The following ADAMTSL3 variants were observed in gnomAD, a reference collection of about 807,000 sequenced individuals.
ADAMTSL3 encodes ADAMTS-like protein 3.
In ADAMTSL3, 128 loss-of-function variants were observed where a neutral mutation model predicts 201.7. That is an observed-to-expected ratio of 0.63 (90% CI 0.55 to 0.73). The LOEUF (loss-of-function observed/expected upper bound fraction) is 0.73, where lower values mean the gene tolerates loss of function less well. Among genes scored for constraint, ADAMTSL3 ranks in the 30% least tolerant of loss-of-function variants. The pLI, the probability that ADAMTSL3 is intolerant of heterozygous loss-of-function variation, is 0.00. For synonymous variants in ADAMTSL3, 738 were observed against 748.4 expected (o/e 0.99, Z 0.23); for missense variants, 1,990 against 2,119.6 (o/e 0.94, Z 1.20).
chr15:83,980,088 T>A (rs1308120258), intron 20 of ADAMTSL3, among the ~76,000 whole-genome samples: 3 of 151,924 alleles, frequency 2.0e-5, no homozygotes, highest in Non-Finnish European at 4.4e-5. Flanking sequence ...TGAGAGCCAT[T>A]TTTTTTAGAG....
At chr15:83,903,937 A>G (rs1567226072) in intron 15 of ADAMTSL3, among the ~76,000 whole-genome samples, 386 of 28,942 alleles carry the variant, frequency 0.013, 54 homozygotes, top group Middle Eastern at 0.077. Flanking sequence ...AAAAAAAAAA[A>G]AAAAAAAGAA....
At chr15:83,801,765 C>T (rs186061490) in intron 4 of ADAMTSL3, among the ~76,000 whole-genome samples, 1 of 141,654 alleles carries the variant, frequency 7.1e-6, no homozygotes, top group Admixed American at 7.2e-5. Flanking sequence ...GCTCCAGCCT[C>T]AGAATTATAG....
At chr15:83,939,613 T>C (rs1596443702) in intron 17 of ADAMTSL3, among the ~76,000 whole-genome samples, 1 of 152,070 alleles carries the variant, frequency 6.6e-6, no homozygotes, top group South Asian at 2.1e-4. Context: ...TGTTGGTCTT[T>C]TGAAGGACCA....
chr15:83,963,056 C>T (rs962937550), intron 19 of ADAMTSL3, among the ~76,000 whole-genome samples: 1 of 152,202 alleles, frequency 6.6e-6, no homozygotes, highest in Non-Finnish European at 1.5e-5. Flanking sequence ...CCTACACCAC[C>T]AGGGCCCATG....
At chr15:83,989,499 A>C (rs2067546137) in intron 22 of ADAMTSL3, among the ~76,000 whole-genome samples, 1 of 152,262 alleles carries the variant, frequency 6.6e-6, no homozygotes, top group South Asian at 2.1e-4. Context: ...ATCAGTCAAC[A>C]AAAAAGAATA....
chr15:83,860,243 G>A (rs935990168), intron 8 of ADAMTSL3, among the ~76,000 whole-genome samples: 4 of 152,158 alleles, frequency 2.6e-5, no homozygotes, highest in Non-Finnish European at 4.4e-5. Flanking sequence ...GGAGAGTAAA[G>A]TAAGATTTGG....
intron 3 of ADAMTSL3, among the ~76,000 whole-genome samples, chr15:83,772,229 T>C (rs2062996159): frequency 6.6e-6 from 1 of 152,206 alleles, no homozygotes. Context: ...AATTTTTCTT[T>C]GGGGATTTTG....
At chr15:83,700,348 A>G (rs2061754306) in intron 2 of ADAMTSL3, among the ~76,000 whole-genome samples, 2 of 152,218 alleles carry the variant, frequency 1.3e-5, no homozygotes, top group Admixed American at 6.5e-5. Context: ...TTTGTGTGCC[A>G]GGAATAGTCA....
At chr15:83,945,810 G>T (rs561231178) in intron 19 of ADAMTSL3, 1 of 152,306 alleles carries the variant, frequency 6.6e-6, no homozygotes, top group South Asian at 2.1e-4. Context: ...GTCCCACCCA[G>T]ACCTAAGGAA....
chr15:84,021,536 A>T lies in ADAMTSL3; in HGVS notation c.4400A>T (p.His1467Leu). Residue 1467 changes from histidine to leucine, a missense_variant, in exon 26 of 30, where the codon CAC becomes CTC. Physicochemically the swap from His to Leu is moderately conservative, Grantham distance 99. Transcript: ENST00000286744. ...GQEVSEALCD[H>L]LQKPLAGFEP... ...GAAGTGAGTGAGGCCCTGTGTGATC[A>T]CCTCCAGAAGCCACTGGCTGGGTTT... The T allele has an allele frequency of 6.2e-7, 1 of 1,613,880 alleles. No individual in the cohort carries two copies. The highest frequency in any genetic ancestry group is 8.5e-7 in the Non-Finnish European group (1 of 1,179,964).
chr15:83,774,155 T>C (rs1262456883), intron 4 of ADAMTSL3, among the ~76,000 whole-genome samples: 3 of 152,244 alleles, frequency 2.0e-5, no homozygotes, highest in Non-Finnish European at 4.4e-5. Context: ...TTATCATTGT[T>C]TTTGAGACAC....
intron 19 of ADAMTSL3, among the ~76,000 whole-genome samples, chr15:83,958,680 G>A (rs760853775): frequency 5.3e-5 from 8 of 152,066 alleles, no homozygotes; most frequent in Non-Finnish European, 7.4e-5. Context: ...CCTTTAAACA[G>A]ATGAAAATAT....
At chr15:83,949,210 G>T (rs567917563) in intron 19 of ADAMTSL3, among the ~76,000 whole-genome samples, 24 of 151,938 alleles carry the variant, frequency 1.6e-4, no homozygotes, top group Non-Finnish European at 3.5e-4. Context: ...ATCTCCATGA[G>T]TTCAATTATT....
intron 3 of ADAMTSL3, among the ~76,000 whole-genome samples, chr15:83,737,835 A>G (rs2554385): frequency 0.84 from 127,662 of 152,114 alleles, 54,097 homozygotes; most frequent in East Asian, 0.96. Flanking sequence ...AAACACTCAT[A>G]TTACAAAAAG....
intron 7 of ADAMTSL3, among the ~76,000 whole-genome samples, chr15:83,858,399 G>A (rs373003356): frequency 7.2e-5 from 11 of 152,160 alleles, no homozygotes; most frequent in African/African-American, 2.7e-4. Context: ...TTGAGATAGA[G>A]TCTTACTCTG....
intron 3 of ADAMTSL3, among the ~76,000 whole-genome samples, chr15:83,739,408 AT>A (rs2062419357): frequency 6.7e-6 from 1 of 150,134 alleles, no homozygotes. Context: ...ACCTGATGTC[AT>A]GTGAACGGTC....
At chr15:83,931,176 G>A (rs915578851) in intron 17 of ADAMTSL3, among the ~76,000 whole-genome samples, 1 of 152,216 alleles carries the variant, frequency 6.6e-6, no homozygotes, top group African/African-American at 2.4e-5. Context: ...CTAGTCTGAG[G>A]AGAGCCTTCT....
intron 15 of ADAMTSL3, among the ~76,000 whole-genome samples, chr15:83,907,108 AAAAAAAAAG>A (rs961907001): frequency 1.6e-5 from 2 of 127,902 alleles, no homozygotes; most frequent in African/African-American, 3.2e-5. Flanking sequence ...AAAAAAAAAA[AAAAAAAAAG>A]AGAGAGTCTA....
chr15:83,994,136 G>A (rs973812747), intron 23 of ADAMTSL3, among the ~76,000 whole-genome samples: 2 of 152,360 alleles, frequency 1.3e-5, no homozygotes, highest in Non-Finnish European at 1.5e-5. Context: ...CAATGGCCCA[G>A]CCCTAAGCTT....
Sources: allele counts gnomAD v4.1 joint callset (sites outside exome capture counted in the v4.1 genomes callset), GRCh38; gene constraint gnomAD v4.1.1; transcripts MANE v1.5; gene names NCBI Gene and HGNC (gene_info 2026-07-23, HGNC 2026-07-21).